ALMS1: variants seen among roughly 807,000 people sequenced by gnomAD.
ALMS1 encodes the protein centrosome-associated protein ALMS1.
A neutral mutation model predicts 352.2 loss-of-function variants in ALMS1; 271 were observed. That is an observed-to-expected ratio of 0.77 (90% CI 0.70 to 0.85). ALMS1 has a LOEUF of 0.85. Among genes scored for constraint, ALMS1 ranks in the 40% least tolerant of loss-of-function variants. The pLI is 0.00. For missense variants in ALMS1, 5,445 were observed against 4,870.7 expected (o/e 1.12, Z -3.51); for synonymous variants, 1,865 against 1,761.2 (o/e 1.06, Z -1.48).
At chr2:73,532,283 A>T (rs189393426) in intron 11 of ALMS1, among the ~76,000 whole-genome samples, 10 of 152,280 alleles carry the variant, frequency 6.6e-5, no homozygotes, top group African/African-American at 2.4e-4. Flanking sequence ...GGGCTCTACA[A>T]TCAGCAGGTG....
intron 9 of ALMS1, among the ~76,000 whole-genome samples, chr2:73,460,048 T>G (rs2103809943): frequency 6.6e-6 from 1 of 152,278 alleles, no homozygotes; most frequent in Admixed American, 6.5e-5. Context: ...ATTCTAGCCT[T>G]TTTTTCTTTC....
At chr2:73,433,758 A>G (rs1457525398) in intron 7 of ALMS1, among the ~76,000 whole-genome samples, 5 of 152,134 alleles carry the variant, frequency 3.3e-5, no homozygotes, top group Non-Finnish European at 5.9e-5. Context: ...TCTTTGTAGG[A>G]AGTTTTTAAA....
At chr2:73,556,633 C>CTTTTTTTTTTTTTTT (rs764932403) in intron 13 of ALMS1, among the ~76,000 whole-genome samples, 1 of 101,486 alleles carries the variant, frequency 9.9e-6, no homozygotes. Context: ...CTGATCTTTC[C>CTTTTTTTTTTTTTTT]TTTTTTTTTT....
At chr2:73,401,778 A>C (rs1295167372) in intron 1 of ALMS1, among the ~76,000 whole-genome samples, 2 of 152,014 alleles carry the variant, frequency 1.3e-5, no homozygotes, top group African/African-American at 4.8e-5. Context: ...TTTACGTTGA[A>C]TTGCTAAACT....
At chr2:73,444,450 A>G (rs1007508820) in intron 7 of ALMS1, among the ~76,000 whole-genome samples, 6 of 152,190 alleles carry the variant, frequency 3.9e-5, no homozygotes, top group Non-Finnish European at 7.3e-5. Flanking sequence ...ACCTCTGCCC[A>G]CTTAGGAATG....
At chr2:73,396,646 C>CTT (rs60309974) in intron 1 of ALMS1, among the ~76,000 whole-genome samples, 2 of 104,728 alleles carry the variant, frequency 1.9e-5, no homozygotes, top group Non-Finnish European at 2.0e-5. Context: ...ATTGTCCATT[C>CTT]TTTTTTTTTT....
At chr2:73,583,548 G>A (rs1675245016) in intron 16 of ALMS1, among the ~76,000 whole-genome samples, 1 of 152,090 alleles carries the variant, frequency 6.6e-6, no homozygotes, top group Non-Finnish European at 1.5e-5. Flanking sequence ...TGATTTTGGT[G>A]TAATATTCAA....
chr2:73,424,098 A>T (rs1169725401), intron 4 of ALMS1, among the ~76,000 whole-genome samples: 1 of 152,208 alleles, frequency 6.6e-6, no homozygotes, highest in Non-Finnish European at 1.5e-5. Flanking sequence ...TCAAGAGCAC[A>T]ATAAATGATG....
At chr2:73,408,771 CTT>C (rs750536453) in intron 2 of ALMS1, 24 bp downstream of exon 2, 39 of 1,244,442 alleles carry the variant, frequency 3.1e-5, no homozygotes, top group South Asian at 4.4e-5. Context: ...AACTGGCTAA[CTT>C]TTTTTTTTTG....
At chr2:73,435,337 C>A (rs1671585229) in intron 7 of ALMS1, among the ~76,000 whole-genome samples, 1 of 151,922 alleles carries the variant, frequency 6.6e-6, no homozygotes, top group Non-Finnish European at 1.5e-5. Flanking sequence ...TTTATTATTG[C>A]ATGAAGTGAA....
intron 6 of ALMS1, among the ~76,000 whole-genome samples, chr2:73,430,521 C>T (rs1251824413): frequency 6.6e-6 from 1 of 152,204 alleles, no homozygotes; most frequent in Non-Finnish European, 1.5e-5. Flanking sequence ...CACACTGTCT[C>T]TCACAAGTGT....
chr2:73,585,463 G>C (rs2104143974), intron 16 of ALMS1, among the ~76,000 whole-genome samples: 1 of 143,226 alleles, frequency 7.0e-6, no homozygotes, highest in African/African-American at 2.6e-5. Flanking sequence ...GCATGGTCTT[G>C]GCTCACTGCA....
In ALMS1 at chr2:73,448,439, G is replaced by A. The variant is rs1324473676; in HGVS notation, c.1912G>A (p.Glu638Lys). ...TACTTTTTACCAACAAGAGTTACCA[G>A]AGAGTAACTTAACCGAAGAGCCTTT... ...PGTFYQQELP[E>K]SNLTEEPLEV... The change falls in exon 8 of 23, where the codon GAG becomes AAG. Residue 638 changes from glutamate (E) to lysine (K), a missense_variant. Glu to Lys is a moderately conservative substitution (Grantham distance 56, BLOSUM62 1). Transcript: ENST00000613296. 5.6e-6 allele frequency: 9 copies of A among 1,613,814 alleles called. No homozygotes were observed. Among genetic ancestry groups the A allele is most frequent in the Non-Finnish European group, 5.9e-6 (7 of 1,179,920 alleles).
At position 73,453,986 on chromosome 2, in the gene ALMS1, C is replaced by G; in HGVS notation, c.7459C>G (p.Leu2487Val). The change falls in exon 8 of 23, where the codon CTG becomes GTG. Residue 2487 changes from leucine (L) to valine (V), a missense_variant. Coordinates refer to ENST00000613296, the MANE Select transcript of ALMS1 (RefSeq NM_001378454.1). ...ACTGGCTGCACATGTGAAAAACCTT[C>G]TGCAATGTGAATCCTCACTGAATCA... is the stretch of plus-strand genomic sequence containing the variant. ...DSLAAHVKNL[L>V]QCESSLNHAK... is the part of the protein sequence containing the mutation. The G allele has an allele frequency of 6.2e-7, 1 of 1,613,872 alleles. No individual in the cohort carries two copies. The highest frequency in any genetic ancestry group is 1.7e-4 in the Middle Eastern group (1 of 6,060).
Position 73,424,790 on chromosome 2 carries a change from A to G in ALMS1, c.1125A>G (p.Ile375Met). 6.2e-7 allele frequency: 1 copy of G among 1,612,902 alleles called. No individual in the cohort carries two copies. The highest frequency in any genetic ancestry group is 8.5e-7 in the Non-Finnish European group (1 of 1,179,108). The change falls in exon 5 of 23, where the codon ATA becomes ATG. Residue 375 changes from isoleucine to methionine, a missense_variant. Transcript: ENST00000613296. ...DQVSVATSFD[I>M]TDENIATKRS... is the part of the protein sequence containing the mutation. ...TTTCAGTTGCAACTTCATTTGACATAACTGATGAAAACATAGCTACTAAAA... is the reference window on the plus strand; with the variant it reads ...TTTCAGTTGCAACTTCATTTGACATGACTGATGAAAACATAGCTACTAAAA...
chr2:73,440,067 G>A (rs988628226), intron 7 of ALMS1, among the ~76,000 whole-genome samples: 5 of 151,738 alleles, frequency 3.3e-5, no homozygotes, highest in Admixed American at 1.3e-4. Flanking sequence ...TGCAAGCTCC[G>A]CCTCCCGGGT....
chr2:73,539,093 G>A (rs1674100836), intron 12 of ALMS1, among the ~76,000 whole-genome samples: 2 of 152,192 alleles, frequency 1.3e-5, no homozygotes, highest in South Asian at 4.1e-4. Context: ...CTCCTCAAGT[G>A]GGACCCTGAC....
rs1420803352 is a variant in ALMS1 at position 73,453,226 on chromosome 2, A to G, written c.6699A>G (p.Ile2233Met). 6.2e-7 allele frequency: 1 copy of G among 1,613,928 alleles called. No individual in the cohort carries two copies. Among genetic ancestry groups the G allele is most frequent in the Non-Finnish European group, 8.5e-7 (1 of 1,179,976 alleles). ...LNSQADDRVV[I>M]NKPESAGFRD... Reference sequence around the variant, plus strand: ...CTCAGGCTGATGACAGAGTTGTAATAAATAAACCAGAATCTGCAGGTTTTA... The same window carrying G: ...CTCAGGCTGATGACAGAGTTGTAATGAATAAACCAGAATCTGCAGGTTTTA... The change falls in exon 8 of 23, where the codon ATA (isoleucine) becomes ATG (methionine). Residue 2233 changes from isoleucine (I) to methionine (M), a missense_variant. Transcript: ENST00000613296.
At position 73,473,882 on chromosome 2, in the gene ALMS1, A is replaced by C. The variant is rs1166809830; in HGVS notation, c.7675-15752A>C. Among the ~76,000 whole-genome samples the C allele has an allele frequency of 4.0e-5, 6 of 151,860 alleles. No individual in the cohort carries two copies. In the East Asian group the frequency reaches 1.2e-3, roughly 30 times the overall value. On this transcript the variant is annotated intron_variant, in intron 9 of 22. Coordinates refer to ENST00000613296, the MANE Select transcript of ALMS1 (RefSeq NM_001378454.1). ...ATGAACAGGGCTATGGGACATCCCC[A>C]AGCATACCAACATATGCATTATGGG...
Sources: gnomAD v4.1 joint callset for allele counts (sites outside exome capture counted in the v4.1 genomes callset) on GRCh38, gnomAD v4.1.1 for gene constraint, MANE v1.5 for transcripts, NCBI Gene and HGNC (gene_info 2026-07-23, HGNC 2026-07-21) for gene names.